Variants in ARHGAP18 observed in about 807,000 individuals in gnomAD.
ARHGAP18 encodes Rho GTPase activating protein 18, also known as rho GTPase-activating protein 18.
In ARHGAP18, 67 loss-of-function variants were observed where a neutral mutation model predicts 86.2. The ratio of observed to expected loss-of-function variants is 0.78; its 90% CI spans 0.64 to 0.95. ARHGAP18 has a LOEUF of 0.95. Ranked by LOEUF, ARHGAP18 falls within the 40% of genes least tolerant of loss-of-function variation. The pLI is 0.00. For missense variants in ARHGAP18, 691 were observed against 780.4 expected (o/e 0.89, Z 1.37); for synonymous variants, 283 against 280.4 (o/e 1.01, Z -0.09).
intron 1 of ARHGAP18, among the ~76,000 whole-genome samples, chr6:129,675,228 G>A (rs1404130136): frequency 6.6e-6 from 1 of 152,024 alleles, no homozygotes; most frequent in Non-Finnish European, 1.5e-5. Context: ...AGTTCACTCA[G>A]GTGGCTAACC....
intron 5 of ARHGAP18, among the ~76,000 whole-genome samples, chr6:129,624,527 AAAAC>A (rs1789298981): frequency 2.0e-5 from 3 of 151,934 alleles, no homozygotes; most frequent in Admixed American, 6.6e-5. Context: ...AGAAAAACAA[AAAAC>A]AAACACACAC....
chr6:129,622,976 G>A lies in ARHGAP18; in HGVS notation c.787-4124C>T, dbSNP rs1378699564. ...AGATCGCGCCATTGCACTCTAGCCT[G>A]GGCAACAAGAGTGAAACTCCATCTC... is the stretch of plus-strand genomic sequence containing the variant. On this transcript the variant is annotated intron_variant, in intron 5 of 14. Transcript: ENST00000368149. 2.9e-5 allele frequency among the ~76,000 whole-genome samples: 4 copies of A among 136,640 alleles called. No homozygotes were observed. In the East Asian group the frequency reaches 6.4e-4, roughly 22 times the overall value. The allele number at this position is 136,640 out of a possible 152,430, so 89.6% of individuals were successfully genotyped here. A position where few individuals can be genotyped will look rare whatever the true frequency, so the allele number is the denominator to read the frequency against.
intron 1 of ARHGAP18, among the ~76,000 whole-genome samples, chr6:129,701,725 A>T (rs1774713763): frequency 6.6e-6 from 1 of 152,100 alleles, no homozygotes; most frequent in Non-Finnish European, 1.5e-5. Context: ...GGCTGAGATC[A>T]TGCCACTGCA....
rs1319787134 is a variant in ARHGAP18 at position 129,676,974 on chromosome 6, G to A, written c.113+33050C>T. Among the ~76,000 whole-genome samples the A allele has an allele frequency of 6.2e-5, 8 of 128,932 alleles. 1 individual carries two copies. In the East Asian group the frequency reaches 1.5e-3, roughly 24 times the overall value. The allele number at this position is 128,932 out of a possible 152,430, so 84.6% of individuals were successfully genotyped here. A position where few individuals can be genotyped will look rare whatever the true frequency, so the allele number is the denominator to read the frequency against. ...AAGGAAGGAAAATAGAGGATTCCGGGACAGTAACACCGCTGAATTTTTGTA... is the reference window on the plus strand; with the variant it reads ...AAGGAAGGAAAATAGAGGATTCCGGAACAGTAACACCGCTGAATTTTTGTA... On this transcript the variant is annotated intron_variant, in intron 1 of 14. Coordinates refer to ENST00000368149, the MANE Select transcript of ARHGAP18 (RefSeq NM_033515.3).
chr6:129,615,606 CCTGTCTTCCTCA>C (rs1424107402), intron 7 of ARHGAP18, among the ~76,000 whole-genome samples: 1 of 152,162 alleles, frequency 6.6e-6, no homozygotes, highest in Non-Finnish European at 1.5e-5. Context: ...ACTGAGTTGA[CCTGTCTTCCTCA>C]CTGTGCATTC....
At chr6:129,608,293 T>C (rs1427285386) in intron 8 of ARHGAP18, among the ~76,000 whole-genome samples, 1 of 152,106 alleles carries the variant, frequency 6.6e-6, no homozygotes, top group Non-Finnish European at 1.5e-5. Context: ...TTAAAATTTA[T>C]ACTTTTTCCT....
At chr6:129,580,188 C>T in intron 13 of ARHGAP18, 57 bp from the exon 14 acceptor site, 1 of 1,451,732 alleles carries the variant, frequency 6.9e-7, no homozygotes, top group Non-Finnish European at 9.6e-7. Context: ...GCAAGTAAAT[C>T]ACTTTAACGT....
chr6:129,689,346 T>G (rs1447467502), intron 1 of ARHGAP18, among the ~76,000 whole-genome samples: 2 of 152,172 alleles, frequency 1.3e-5, no homozygotes, highest in South Asian at 4.1e-4. Context: ...CAAGCTAGAG[T>G]GCAGTAGCGT....
At chr6:129,697,968 G>A (rs956802185) in intron 1 of ARHGAP18, among the ~76,000 whole-genome samples, 3 of 152,128 alleles carry the variant, frequency 2.0e-5, no homozygotes, top group African/African-American at 4.8e-5. Flanking sequence ...CATGTTTCTA[G>A]CCCACCTATA....
chr6:129,677,325 G>A (rs995685042), intron 1 of ARHGAP18, among the ~76,000 whole-genome samples: 5 of 151,984 alleles, frequency 3.3e-5, no homozygotes, highest in African/African-American at 4.8e-5. Flanking sequence ...CCCGGGAGGC[G>A]GAGCTTGCAG....
At chr6:129,630,849 A>G (rs1773189034) in intron 4 of ARHGAP18, among the ~76,000 whole-genome samples, 1 of 152,184 alleles carries the variant, frequency 6.6e-6, no homozygotes, top group Non-Finnish European at 1.5e-5. Flanking sequence ...TGACCTTGCA[A>G]ATTACACAGC....
chr6:129,599,463 T>C, intron 11 of ARHGAP18, 107 bp from the exon 12 acceptor site: 1 of 1,052,660 alleles, frequency 9.5e-7, no homozygotes. Context: ...AAAGAGTTTC[T>C]CTTTTTGATA....
chr6:129,665,791 A>G (rs1289479823), intron 1 of ARHGAP18, among the ~76,000 whole-genome samples: 4 of 152,034 alleles, frequency 2.6e-5, no homozygotes, highest in African/African-American at 9.7e-5. Context: ...ACCTCTCTGA[A>G]CCTCGGTTTT....
At chr6:129,605,793 C>T in intron 10 of ARHGAP18, 84 bp downstream of exon 10, 1 of 1,232,748 alleles carries the variant, frequency 8.1e-7, no homozygotes, top group South Asian at 1.2e-5. Flanking sequence ...GTCCAAGATA[C>T]ACATCTTATT....
At chr6:129,629,207 G>A (rs1773126238) in intron 5 of ARHGAP18, 146 bp downstream of exon 5, 2 of 695,962 alleles carry the variant, frequency 2.9e-6, no homozygotes, top group Non-Finnish European at 4.2e-6. Flanking sequence ...AACGTAGTGA[G>A]GCCTCATCTT....
chr6:129,698,107 C>T (rs1774649363), intron 1 of ARHGAP18, among the ~76,000 whole-genome samples: 1 of 152,084 alleles, frequency 6.6e-6, no homozygotes, highest in African/African-American at 2.4e-5. Context: ...GCAAGACTTC[C>T]TAAATATGAT....
intron 1 of ARHGAP18, among the ~76,000 whole-genome samples, chr6:129,654,227 C>T (rs139910448): frequency 3.9e-5 from 6 of 152,210 alleles, no homozygotes; most frequent in Non-Finnish European, 5.9e-5. Flanking sequence ...GAGAGGTAGA[C>T]GGTAGAGAAA....
At position 129,576,268 on chromosome 6, in the gene ARHGAP18, T is replaced by G. The variant is rs139113766; in HGVS notation, c.*2245A>C. On this transcript the variant is annotated 3_prime_UTR_variant, in exon 15 of 15. Transcript: ENST00000368149. ...CAAAAGCAGTAGGTTAACATCAGGATATTTATATTCAAGGCTCTATGGTAT... is the reference window on the plus strand; with the variant it reads ...CAAAAGCAGTAGGTTAACATCAGGAGATTTATATTCAAGGCTCTATGGTAT... The G allele has an allele frequency of 2.0e-5, 3 of 152,306 alleles. No individual in the cohort carries two copies. In the East Asian group the frequency reaches 5.8e-4, roughly 29 times the overall value. 9.4% of individuals were successfully genotyped at this position (152,306 alleles called of 1,614,324 possible).
intron 1 of ARHGAP18, among the ~76,000 whole-genome samples, chr6:129,647,185 C>CCAT (rs1773598141): frequency 6.6e-6 from 1 of 152,080 alleles, no homozygotes. Context: ...TTGCTGGTGT[C>CCAT]CATTATGTGT....
Sources: allele counts gnomAD v4.1 joint callset (sites outside exome capture counted in the v4.1 genomes callset), GRCh38; gene constraint gnomAD v4.1.1; transcripts MANE v1.5; gene names NCBI Gene and HGNC (gene_info 2026-07-23, HGNC 2026-07-21).